The following LPP variants were observed in gnomAD, a reference collection of about 807,000 sequenced individuals.
LPP encodes the protein LIM domain containing preferred translocation partner in lipoma, also known as lipoma-preferred partner.
A neutral mutation model predicts 60.4 loss-of-function variants in LPP; 38 were observed. The ratio of observed to expected loss-of-function variants is 0.63; its 90% CI spans 0.49 to 0.83. The LOEUF is 0.83. LPP is among the 40% of genes least tolerant of loss of function. The probability of loss-of-function intolerance (pLI) is 0.00; values close to 1 mark genes in which losing one functional copy is unlikely to be tolerated. For synonymous variants in LPP, 328 were observed against 290.8 expected, an observed-to-expected ratio of 1.13 and a Z score of -1.30; for missense variants, 902 against 783.6, an observed-to-expected ratio of 1.15 and a Z score of -1.80.
chr3:188,223,666 A>C (rs1259588738), intron 1 of LPP, among the ~76,000 whole-genome samples: 4 of 152,176 alleles, frequency 2.6e-5, no homozygotes, highest in Non-Finnish European at 5.9e-5. Context: ...CTTTCAGTGA[A>C]GTTTAAAAAT....
intron 1 of LPP, among the ~76,000 whole-genome samples, chr3:188,205,451 T>G (rs1732925954): frequency 6.6e-6 from 1 of 151,876 alleles, no homozygotes; most frequent in Non-Finnish European, 1.5e-5. Flanking sequence ...CCAGCTAATT[T>G]TTGTATTTTT....
chr3:188,551,604 TATAAC>T (rs1367269097), intron 6 of LPP, among the ~76,000 whole-genome samples: 2 of 152,120 alleles, frequency 1.3e-5, no homozygotes, highest in Non-Finnish European at 2.9e-5. Flanking sequence ...GTAGGGAAAA[TATAAC>T]ATATACACTA....
chr3:188,811,562 A>C (rs953946574), intron 9 of LPP, among the ~76,000 whole-genome samples: 1 of 152,140 alleles, frequency 6.6e-6, no homozygotes, highest in Non-Finnish European at 1.5e-5. Context: ...GCCTTGTTTT[A>C]TAGCAATTAC....
Position 188,395,351 on chromosome 3 carries a change from T to G in LPP, c.-9-10761T>G, listed in dbSNP as rs116736627. Among the ~76,000 whole-genome samples, 457 of 152,172 alleles carry G rather than the reference T, an allele frequency of 3.0e-3. 3 individuals carry two copies. The highest frequency in any genetic ancestry group is 0.01 in the African/African-American group (430 of 41,520). ...CTTCCACCTCAGCCTCCCGAGTAGC[T>G]GGGATTAGAGAGGCGAGCCACCATT... On this transcript the variant is annotated intron_variant, in intron 3 of 11. Coordinates refer to ENST00000617246, the MANE Select transcript of LPP (RefSeq NM_001375462.1).
At chr3:188,411,351 T>C (rs1194097864) in intron 4 of LPP, among the ~76,000 whole-genome samples, 1 of 152,116 alleles carries the variant, frequency 6.6e-6, no homozygotes, top group African/African-American at 2.4e-5. Flanking sequence ...AAAAACAATA[T>C]GGAGATTCAC....
chr3:188,194,408 T>C (rs1728975599), intron 1 of LPP, among the ~76,000 whole-genome samples: 1 of 152,224 alleles, frequency 6.6e-6, no homozygotes, highest in Non-Finnish European at 1.5e-5. Flanking sequence ...ATTAGGACAC[T>C]TTCTGGGTCC....
Position 188,626,294 on chromosome 3 carries a change from C to G in LPP, c.1113+16450C>G, listed in dbSNP as rs191669677. Among the ~76,000 whole-genome samples, 4 of 152,098 alleles carry G rather than the reference C, an allele frequency of 2.6e-5. No homozygotes were observed. The East Asian group carries it at 7.7e-4, about 29-fold the overall frequency. ...AAAATACAATATAACAAGTATTTACCTAGCATTTACATTGTATTGGGTATT... is the reference window on the plus strand; with the variant it reads ...AAAATACAATATAACAAGTATTTACGTAGCATTTACATTGTATTGGGTATT... On this transcript the variant is annotated intron_variant, in intron 7 of 11. Coordinates refer to ENST00000617246, the MANE Select transcript of LPP (RefSeq NM_001375462.1).
At position 188,887,637 on chromosome 3, in the gene LPP, A is replaced by AG. The variant is rs1770833166; in HGVS notation, c.*13158_*13159insG. 2 of 212,034 alleles carry AG rather than the reference A, an allele frequency of 9.4e-6. No homozygotes were observed. The highest frequency in any genetic ancestry group is 7.0e-5 in the East Asian group (1 of 14,208). The allele number at this position is 212,034 out of a possible 1,614,324, so 13.1% of individuals were successfully genotyped here. On this transcript the variant is annotated 3_prime_UTR_variant, in exon 12 of 12. Coordinates refer to ENST00000617246, the MANE Select transcript of LPP (RefSeq NM_001375462.1). ...AGGATTATAGTGCCAAAAATAGTTAAAGTGCCTTGGTCCTCCCTCTGTAGG... is the reference window on the plus strand; with the variant it reads ...AGGATTATAGTGCCAAAAATAGTTAAGAGTGCCTTGGTCCTCCCTCTGTAGG...
chr3:188,401,961 G>C (rs2094736651), intron 3 of LPP, among the ~76,000 whole-genome samples: 1 of 152,140 alleles, frequency 6.6e-6, no homozygotes, highest in African/African-American at 2.4e-5. Flanking sequence ...ACAAGAAGTA[G>C]CTTGTTTCAG....
rs375563796 is a variant in LPP at position 188,762,504 on chromosome 3, CAT to C, written c.1410+2223_1410+2224del. On this transcript the variant is annotated intron_variant, in intron 9 of 11. Coordinates refer to ENST00000617246, the MANE Select transcript of LPP (RefSeq NM_001375462.1). ...TTCAGACATACTCCTCGCATTTTTA[CAT>C]GTTTGCTTGCTTTTCTGAGTGCGTA... Among the ~76,000 whole-genome samples, 111 of 152,284 alleles carry C rather than the reference CAT, an allele frequency of 7.3e-4. 2 individuals are homozygous for C. The South Asian group carries it at 0.022, about 30-fold the overall frequency.
At chr3:188,377,934 C>T (rs1775671808) in intron 3 of LPP, among the ~76,000 whole-genome samples, 1 of 152,136 alleles carries the variant, frequency 6.6e-6, no homozygotes, top group African/African-American at 2.4e-5. Flanking sequence ...AGACAGGACC[C>T]TCAGCTGCAG....
Position 188,887,219 on chromosome 3 carries a change from G to A in LPP, c.*12740G>A. On this transcript the variant is annotated 3_prime_UTR_variant, in exon 12 of 12. Transcript: ENST00000617246. ...CTGCTTCCAAACTAGTTTAAGAAAT[G>A]CAAAATGGGAAGAGCTAGCTTTTCT... 4.5e-6 allele frequency: 1 copy of A among 222,718 alleles called. No homozygotes were observed. Among genetic ancestry groups the A allele is most frequent in the Non-Finnish European group, 9.0e-6 (1 of 111,396 alleles). The allele number at this position is 222,718 out of a possible 1,614,324, so 13.8% of individuals were successfully genotyped here.
intron 9 of LPP, among the ~76,000 whole-genome samples, chr3:188,812,886 A>G (rs1198109378): frequency 6.6e-6 from 1 of 152,036 alleles, no homozygotes; most frequent in African/African-American, 2.4e-5. Context: ...TGATTTGGGG[A>G]AAAAATTACA....
rs571404248 is a variant in LPP at position 188,708,684 on chromosome 3, C to T, written c.1240+291C>T. On this transcript the variant is annotated intron_variant, in intron 8 of 11. Transcript: ENST00000617246. ...ACCAGTCTAGGCAACATGGGGAGAC[C>T]CTGTCTCCATTAAAAATACAAAAAT... 4.2e-5 allele frequency: 20 copies of T among 477,714 alleles called. No homozygotes were observed. The East Asian group carries it at 5.6e-4, about 13-fold the overall frequency. The allele number at this position is 477,714 out of a possible 1,614,324, so 29.6% of individuals were successfully genotyped here. A position where few individuals can be genotyped will look rare whatever the true frequency, so the allele number is the denominator to read the frequency against.
At chr3:188,692,692 C>G (rs917116413) in intron 7 of LPP, among the ~76,000 whole-genome samples, 6 of 152,198 alleles carry the variant, frequency 3.9e-5, no homozygotes, top group African/African-American at 1.2e-4. Flanking sequence ...ATATCTTTAG[C>G]ATGGCACTTA....
chr3:188,382,973 A>G (rs1777291379), intron 3 of LPP, among the ~76,000 whole-genome samples: 1 of 152,192 alleles, frequency 6.6e-6, no homozygotes, highest in South Asian at 2.1e-4. Flanking sequence ...CCGTAGGGAC[A>G]TAGGATCCAA....
chr3:188,567,312 C>A lies in LPP; in HGVS notation c.430-41849C>A, dbSNP rs535062144. On this transcript the variant is annotated intron_variant, in intron 6 of 11. Transcript: ENST00000617246. Reference sequence around the variant, plus strand: ...ATTAAAATGGGGATGATAATAGGACCCATCTCATAGGATTGTTAGGACTAT... The same window carrying A: ...ATTAAAATGGGGATGATAATAGGACACATCTCATAGGATTGTTAGGACTAT... Among the ~76,000 whole-genome samples, 7 of 151,910 alleles carry A rather than the reference C, an allele frequency of 4.6e-5. No individual in the cohort carries two copies. In the East Asian group the frequency reaches 1.4e-3, roughly 30 times the overall value.
chr3:188,438,546 G>A (rs1305185899), intron 4 of LPP, among the ~76,000 whole-genome samples: 1 of 152,118 alleles, frequency 6.6e-6, no homozygotes, highest in East Asian at 1.9e-4. Flanking sequence ...TGGCCCCAGA[G>A]CTTACTTACA....
intron 5 of LPP, among the ~76,000 whole-genome samples, chr3:188,511,609 G>A (rs935379468): frequency 1.3e-5 from 2 of 151,930 alleles, no homozygotes. Context: ...GGAGCAAAAT[G>A]TTTGATTTCC....
Sources: allele counts gnomAD v4.1 joint callset (sites outside exome capture counted in the v4.1 genomes callset), GRCh38; gene constraint gnomAD v4.1.1; transcripts MANE v1.5; gene names NCBI Gene and HGNC (gene_info 2026-07-23, HGNC 2026-07-21).